The following FAT3 variants were observed in gnomAD, a reference collection of about 807,000 sequenced individuals.
FAT3 encodes the protein protocadherin Fat 3.
FAT3 carries 95 observed loss-of-function variants against 310.2 expected under a neutral mutation model. The ratio of observed to expected loss-of-function variants is 0.31; its 90% CI spans 0.26 to 0.36. The LOEUF (loss-of-function observed/expected upper bound fraction) is 0.36. Ranked by LOEUF, FAT3 falls within the 10% of genes least tolerant of loss-of-function variation. FAT3 has a pLI of 1.00. For synonymous variants in FAT3, 2,314 were observed against 2,192.9 expected, an observed-to-expected ratio of 1.06 and a Z score of -1.54; for missense variants, 5,408 against 5,715.6, an observed-to-expected ratio of 0.95 and a Z score of 1.74.
intron 17 of FAT3, 39 bp from the exon 18 acceptor site, chr11:92,840,523 A>AT (rs1308492141): frequency 6.8e-7 from 1 of 1,478,606 alleles, no homozygotes; most frequent in South Asian, 1.4e-5. Context: ...GAGAAGTGTA[A>AT]TTTTTATCTT....
chr11:92,762,189 C>A lies in FAT3; in HGVS notation c.3984+19C>A, dbSNP rs1376173663. ...CCTAACGGTAAGATCTTCCAAACTC[C>A]AGCAGCACAGCAGATGGGGGGAAGT... On this transcript the variant is annotated intron_variant, in intron 5 of 27. Coordinates refer to ENST00000525166, the MANE Select transcript of FAT3 (RefSeq NM_001367949.2). 3 of 1,590,318 alleles carry A rather than the reference C, an allele frequency of 1.9e-6. No homozygotes were observed. In the East Asian group the frequency reaches 6.7e-5, roughly 36 times the overall value.
chr11:92,521,337 C>A (rs1226072704), intron 2 of FAT3, among the ~76,000 whole-genome samples: 1 of 152,090 alleles, frequency 6.6e-6, no homozygotes, highest in Non-Finnish European at 1.5e-5. Context: ...ATGTAATGGG[C>A]AAATCACAAA....
chr11:92,547,298 A>C lies in FAT3; in HGVS notation c.3607+22350A>C, dbSNP rs532781055. 9.8e-4 allele frequency among the ~76,000 whole-genome samples: 149 copies of C among 152,300 alleles called. 2 individuals carry two copies. Among genetic ancestry groups the C allele is most frequent in the African/African-American group, 3.5e-3 (144 of 41,550 alleles). On this transcript the variant is annotated intron_variant, in intron 3 of 27. Coordinates refer to ENST00000525166, the MANE Select transcript of FAT3 (RefSeq NM_001367949.2). ...TTGCATTCTTCAAGAGACTCTACAAAGTACTGTTTTCTTGTGAAATCCCCT... is the reference window on the plus strand; with the variant it reads ...TTGCATTCTTCAAGAGACTCTACAACGTACTGTTTTCTTGTGAAATCCCCT...
intron 10 of FAT3, among the ~76,000 whole-genome samples, chr11:92,802,399 G>T (rs991699689): frequency 1.3e-5 from 2 of 152,152 alleles, no homozygotes; most frequent in African/African-American, 4.8e-5. Flanking sequence ...CCTTCCCTGA[G>T]AAATCCTAAA....
chr11:92,797,754 G>A (rs370955175), intron 9 of FAT3, 82 bp from the exon 10 acceptor site: 1 of 1,214,176 alleles, frequency 8.2e-7, no homozygotes. Context: ...ATTGCAGTAA[G>A]GTACCTATAG....
At chr11:92,705,915 TTGATGGTGGTGGTG>T (rs1179634783) in intron 4 of FAT3, among the ~76,000 whole-genome samples, 2 of 28,570 alleles carry the variant, frequency 7.0e-5, no homozygotes, top group Non-Finnish European at 7.5e-5. Flanking sequence ...TGGTGGTGGT[TTGATGGTGGTGGTG>T]TGATGGTGGT....
chr11:92,609,247 G>A (rs1236304197), intron 3 of FAT3, among the ~76,000 whole-genome samples: 1 of 152,132 alleles, frequency 6.6e-6, no homozygotes. Context: ...TTCTGTAGCA[G>A]AAGCAAACTT....
chr11:92,568,658 C>A lies in FAT3; in HGVS notation c.3607+43710C>A, dbSNP rs145862342. ...ATAAAGTCCATACTCCTTCACCTGG[C>A]ATGCAAGATATTCACTCTCTGCCTC... is the stretch of plus-strand genomic sequence containing the variant. On this transcript the variant is annotated intron_variant, in intron 3 of 27. Coordinates refer to ENST00000525166, the MANE Select transcript of FAT3 (RefSeq NM_001367949.2). 4.6e-5 allele frequency among the ~76,000 whole-genome samples: 7 copies of A among 152,266 alleles called. No homozygotes were observed. In the East Asian group the frequency reaches 1.2e-3, roughly 25 times the overall value.
Position 92,866,767 on chromosome 11 carries a change from G to A in FAT3, c.11685G>A (p.Gln3895=), listed in dbSNP as rs1454798114. Residue 3895 remains glutamine, a synonymous_variant, in exon 22 of 28, where the codon CAG becomes CAA. Coordinates refer to ENST00000525166, the MANE Select transcript of FAT3 (RefSeq NM_001367949.2). ...LKIVDGKLWF[Q]LDCGSGPGIL... is the part of the protein sequence containing the mutation. The stretch of plus-strand genomic sequence containing the variant: ...TTGTGGATGGCAAGCTGTGGTTCCA[G>A]CTGGACTGCGGCAGCGGCCCTGGAA... The A allele has an allele frequency of 6.2e-7, 1 of 1,613,562 alleles. No individual in the cohort carries two copies. The highest frequency in any genetic ancestry group is 1.1e-5 in the South Asian group (1 of 91,032).
intron 4 of FAT3, among the ~76,000 whole-genome samples, chr11:92,739,830 T>C (rs1380272267): frequency 6.6e-6 from 1 of 152,174 alleles, no homozygotes; most frequent in Non-Finnish European, 1.5e-5. Flanking sequence ...TGCCATAAAA[T>C]AGAAACAGCT....
At chr11:92,770,242 A>G (rs1335947252) in intron 6 of FAT3, among the ~76,000 whole-genome samples, 1 of 152,152 alleles carries the variant, frequency 6.6e-6, no homozygotes, top group Non-Finnish European at 1.5e-5. Context: ...TAGAAACTTC[A>G]GGAAAATAAG....
chr11:92,622,893 G>A (rs978264427), intron 3 of FAT3, among the ~76,000 whole-genome samples: 6 of 152,102 alleles, frequency 3.9e-5, no homozygotes, highest in Admixed American at 3.9e-4. Context: ...TACCTATGCT[G>A]TGTGAACAAG....
chr11:92,798,281 T>C lies in FAT3; in HGVS notation c.5268T>C (p.Asn1756=), dbSNP rs757981227. The C allele has an allele frequency of 5.0e-6, 8 of 1,613,862 alleles. No individual in the cohort carries two copies. In the South Asian group the frequency reaches 6.6e-5, roughly 13 times the overall value. ...GAATGGCTTCCAATGCTACAGTCAATATTCAGATTGTTGATGAAAATGATA... is the reference window on the plus strand; with the variant it reads ...GAATGGCTTCCAATGCTACAGTCAACATTCAGATTGTTGATGAAAATGATA... ...MAGMASNATV[N]IQIVDENDNA... Residue 1756 remains asparagine, a synonymous_variant, in exon 10 of 28, where the codon AAT becomes AAC. Transcript: ENST00000525166.
In FAT3 at chr11:92,486,324, A is replaced by T. The variant is rs1462014781; in HGVS notation, c.3293-38310A>T. ...GTTTTTTTACTAAATTATACTTTCC[A>T]ATCTAGGCAGATGGTGGTGTCTGCT... On this transcript the variant is annotated intron_variant, in intron 2 of 27. Coordinates refer to ENST00000525166, the MANE Select transcript of FAT3 (RefSeq NM_001367949.2). Among the ~76,000 whole-genome samples, 3 of 151,442 alleles carry T rather than the reference A, an allele frequency of 2.0e-5. No individual in the cohort carries two copies. In the East Asian group the frequency reaches 5.9e-4, roughly 30 times the overall value.
intron 1 of FAT3, among the ~76,000 whole-genome samples, chr11:92,235,967 A>G (rs1215601605): frequency 1.3e-5 from 2 of 152,358 alleles, no homozygotes; most frequent in East Asian, 3.9e-4. Context: ...AGTCGAAGGT[A>G]AAATAGACTG....
chr11:92,647,617 C>T (rs1395461037), intron 3 of FAT3, among the ~76,000 whole-genome samples: 2 of 152,134 alleles, frequency 1.3e-5, no homozygotes, highest in Non-Finnish European at 2.9e-5. Flanking sequence ...ATTGAGGGCT[C>T]AACATGAACA....
intron 13 of FAT3, among the ~76,000 whole-genome samples, chr11:92,829,888 C>T (rs1948197301): frequency 6.6e-6 from 1 of 152,076 alleles, no homozygotes; most frequent in East Asian, 1.9e-4. Context: ...TGTCATCCCT[C>T]AAGATATATG....
intron 12 of FAT3, 113 bp downstream of exon 12, chr11:92,806,628 A>G: frequency 2.3e-6 from 2 of 869,700 alleles, no homozygotes; most frequent in Non-Finnish European, 3.4e-6. Context: ...TCTTATAGGG[A>G]TGGAGGGAAA....
intron 1 of FAT3, among the ~76,000 whole-genome samples, chr11:92,242,964 G>A (rs1190315028): frequency 2.0e-5 from 3 of 151,752 alleles, no homozygotes; most frequent in Non-Finnish European, 2.9e-5. Flanking sequence ...TGTACTTTTC[G>A]GAGGACTGTT....
Sources: gnomAD v4.1 joint callset for allele counts (sites outside exome capture counted in the v4.1 genomes callset) on GRCh38, gnomAD v4.1.1 for gene constraint, MANE v1.5 for transcripts, NCBI Gene and HGNC (gene_info 2026-07-23, HGNC 2026-07-21) for gene names.